The following FBXL17 variants were observed in gnomAD, a reference collection of about 807,000 sequenced individuals.
FBXL17 encodes the protein F-box/LRR-repeat protein 17.
Under a neutral mutation model 66.2 loss-of-function variants are expected in FBXL17, and 22 were observed. The ratio of observed to expected loss-of-function variants is 0.33; its 90% CI spans 0.24 to 0.47. The LOEUF (loss-of-function observed/expected upper bound fraction) is 0.47. FBXL17 is among the 20% of genes least tolerant of loss of function. The pLI, the probability that FBXL17 is intolerant of heterozygous loss-of-function variation, is 1.00. For missense variants in FBXL17, 878 were observed against 948.2 expected, an observed-to-expected ratio of 0.93 and a Z score of 0.97; for synonymous variants, 474 against 400.5, an observed-to-expected ratio of 1.18 and a Z score of -2.19.
At chr5:107,879,410 G>C (rs919120809) in intron 8 of FBXL17, 2 of 985,330 alleles carry the variant, frequency 2.0e-6, no homozygotes, top group Non-Finnish European at 2.4e-6. Context: ...GTTAGCAGCG[G>C]CATTAGGTTG....
At chr5:107,912,643 G>C (rs939362630) in intron 7 of FBXL17, among the ~76,000 whole-genome samples, 1 of 152,140 alleles carries the variant, frequency 6.6e-6, no homozygotes, top group African/African-American at 2.4e-5. Context: ...ATATAAATAT[G>C]TATAAAATTA....
rs542646422 is a variant in FBXL17 at position 108,027,389 on chromosome 5, A to C, written c.1746-6388T>G. On this transcript the variant is annotated intron_variant, in intron 6 of 8. Transcript: ENST00000542267. ...ACTTAACCAAAAGTCTTGCTTTTTA[A>C]TTTTAGCCATTGATCCATCCATTAC... 6.6e-5 allele frequency among the ~76,000 whole-genome samples: 10 copies of C among 152,254 alleles called. No individual in the cohort carries two copies. The South Asian group carries it at 2.1e-3, about 32-fold the overall frequency.
At chr5:108,127,247 T>C (rs569486323) in intron 6 of FBXL17, among the ~76,000 whole-genome samples, 4 of 152,276 alleles carry the variant, frequency 2.6e-5, no homozygotes, top group South Asian at 4.1e-4. Context: ...ATCCTCACTA[T>C]AGTAGAAATT....
intron 5 of FBXL17, among the ~76,000 whole-genome samples, chr5:108,197,355 G>A (rs1355179422): frequency 6.6e-6 from 1 of 152,130 alleles, no homozygotes; most frequent in African/African-American, 2.4e-5. Flanking sequence ...AGAAAAGACT[G>A]CTTCAACTAA....
At chr5:108,052,273 G>T (rs1747515749) in intron 6 of FBXL17, among the ~76,000 whole-genome samples, 1 of 152,112 alleles carries the variant, frequency 6.6e-6, no homozygotes, top group South Asian at 2.1e-4. Context: ...AATTGTTTTG[G>T]TCTGCAGATT....
At chr5:108,226,816 T>C (rs145428015) in intron 4 of FBXL17, among the ~76,000 whole-genome samples, 1 of 152,322 alleles carries the variant, frequency 6.6e-6, no homozygotes, top group African/African-American at 2.4e-5. Flanking sequence ...GAGATCAGTC[T>C]TCTCCTGCCT....
intron 4 of FBXL17, among the ~76,000 whole-genome samples, chr5:108,342,325 T>G (rs1379524533): frequency 6.6e-6 from 1 of 152,220 alleles, no homozygotes; most frequent in Non-Finnish European, 1.5e-5. Context: ...CATATTCAAA[T>G]AGGATTAAGA....
intron 6 of FBXL17, among the ~76,000 whole-genome samples, chr5:108,140,568 C>A (rs1233490067): frequency 6.6e-6 from 1 of 152,134 alleles, no homozygotes; most frequent in African/African-American, 2.4e-5. Flanking sequence ...CCTCTGCCTA[C>A]CGCTTACAAA....
Position 108,197,999 on chromosome 5 carries a change from G to A in FBXL17, c.1615-11752C>T, listed in dbSNP as rs1387888925. On this transcript the variant is annotated intron_variant, in intron 5 of 8. Coordinates refer to ENST00000542267, the MANE Select transcript of FBXL17 (RefSeq NM_001163315.3). ...TTCAAAGAGTGGATGAGAAACTTTCGTCTTTTGAGCCAAAAAGCTGTAGTG... is the reference window on the plus strand; with the variant it reads ...TTCAAAGAGTGGATGAGAAACTTTCATCTTTTGAGCCAAAAAGCTGTAGTG... Among the ~76,000 whole-genome samples, 16 of 152,090 alleles carry A rather than the reference G, an allele frequency of 1.1e-4. No individual in the cohort carries two copies. In the East Asian group the frequency reaches 1.6e-3, roughly 15 times the overall value.
intron 6 of FBXL17, among the ~76,000 whole-genome samples, chr5:108,101,864 T>G (rs1366060308): frequency 1.3e-5 from 2 of 152,218 alleles, no homozygotes; most frequent in Non-Finnish European, 2.9e-5. Context: ...CACTTAAGTT[T>G]GGGAGAAATG....
At chr5:108,158,546 CACATGTGCAT>C (rs1455485154) in intron 6 of FBXL17, among the ~76,000 whole-genome samples, 1 of 150,558 alleles carries the variant, frequency 6.6e-6, no homozygotes, top group African/African-American at 2.4e-5. Flanking sequence ...TCCACATTTG[CACATGTGCAT>C]CCATGTGCCC....
At chr5:108,014,954 C>T (rs1467787685) in intron 7 of FBXL17, among the ~76,000 whole-genome samples, 6 of 152,124 alleles carry the variant, frequency 3.9e-5, no homozygotes, top group African/African-American at 2.4e-5. Context: ...GACTTATTCA[C>T]TACCGCCACA....
At chr5:108,105,083 C>T (rs549690760) in intron 6 of FBXL17, among the ~76,000 whole-genome samples, 3 of 152,094 alleles carry the variant, frequency 2.0e-5, no homozygotes, top group African/African-American at 7.2e-5. Flanking sequence ...CCTTGTGATC[C>T]GCCCGCCTCG....
At chr5:108,175,964 C>T (rs995897506) in intron 6 of FBXL17, among the ~76,000 whole-genome samples, 1 of 152,122 alleles carries the variant, frequency 6.6e-6, no homozygotes, top group Non-Finnish European at 1.5e-5. Context: ...ATTTACTGGG[C>T]TTCATTTATC....
intron 6 of FBXL17, among the ~76,000 whole-genome samples, chr5:108,098,224 C>A (rs1749456970): frequency 6.6e-6 from 1 of 152,096 alleles, no homozygotes; most frequent in Admixed American, 6.5e-5. Flanking sequence ...CTATCTGCAA[C>A]AGTCTATGAA....
chr5:108,068,558 C>T lies in FBXL17; in HGVS notation c.1746-47557G>A, dbSNP rs553159266. ...GCAACCTCCACCTCCCGGGTTCAAG[C>T]GATTCTCCCACCTCAGCCCCCTGAG... On this transcript the variant is annotated intron_variant, in intron 6 of 8. Transcript: ENST00000542267. 1.2e-4 allele frequency among the ~76,000 whole-genome samples: 18 copies of T among 152,132 alleles called. No homozygotes were observed. The East Asian group carries it at 1.7e-3, about 15-fold the overall frequency.
chr5:108,316,572 C>G (rs1328216807), intron 4 of FBXL17, among the ~76,000 whole-genome samples: 2 of 151,252 alleles, frequency 1.3e-5, no homozygotes, highest in Non-Finnish European at 3.0e-5. Context: ...ATTAAAATAT[C>G]AAAACACTGA....
At chr5:107,975,845 TTTG>T (rs1158198710) in intron 7 of FBXL17, among the ~76,000 whole-genome samples, 3 of 70,640 alleles carry the variant, frequency 4.2e-5, no homozygotes, top group Non-Finnish European at 8.9e-5. Flanking sequence ...TTAGAGGGTT[TTTG>T]TTGTTGTTGT....
intron 6 of FBXL17, among the ~76,000 whole-genome samples, chr5:108,069,702 G>A (rs908194346): frequency 5.9e-5 from 9 of 152,186 alleles, no homozygotes; most frequent in African/African-American, 1.9e-4. Flanking sequence ...TGAAGAAAAC[G>A]TCTTAACTTT....
Sources: gnomAD v4.1 joint callset for allele counts (sites outside exome capture counted in the v4.1 genomes callset) on GRCh38, gnomAD v4.1.1 for gene constraint, MANE v1.5 for transcripts, NCBI Gene and HGNC (gene_info 2026-07-23, HGNC 2026-07-21) for gene names.